Variants in MNAT1 observed in about 807,000 individuals in gnomAD.
MNAT1 encodes the protein CDK-activating kinase assembly factor MAT1.
Under a neutral mutation model 42.0 loss-of-function variants are expected in MNAT1, and 43 were observed. The observed-to-expected ratio is 1.02, with a 90% CI of 0.80 to 1.32. MNAT1 has a LOEUF of 1.32. Ranked by LOEUF, MNAT1 falls within the 40% of genes most tolerant of loss-of-function variation. MNAT1 has a pLI of 0.00. For missense variants in MNAT1, 306 were observed against 350.4 expected (o/e 0.87, Z 1.01); for synonymous variants, 118 against 120.0 (o/e 0.98, Z 0.11).
Position 60,740,868 on chromosome 14 carries a change from C to T in MNAT1, c.89+5917C>T, listed in dbSNP as rs550048037. On this transcript the variant is annotated intron_variant, in intron 1 of 7. Coordinates refer to ENST00000261245, the MANE Select transcript of MNAT1 (RefSeq NM_002431.4). The surrounding 1 kb of genome is among the most constrained non-coding windows in gnomAD (Gnocchi z 4.1). ...GGTGTAGTGTAGTATAAGTTATAAACGTGGTACATATTACCATACCCATCT... is the reference window on the plus strand; with the variant it reads ...GGTGTAGTGTAGTATAAGTTATAAATGTGGTACATATTACCATACCCATCT... Among the ~76,000 whole-genome samples the T allele has an allele frequency of 3.9e-5, 6 of 152,212 alleles. No individual in the cohort carries two copies. Among genetic ancestry groups the T allele is most frequent in the Non-Finnish European group, 7.4e-5 (5 of 67,992 alleles).
At chr14:60,778,756 A>G (rs764217123) in intron 1 of MNAT1, among the ~76,000 whole-genome samples, 1 of 152,174 alleles carries the variant, frequency 6.6e-6, no homozygotes, top group Non-Finnish European at 1.5e-5. Flanking sequence ...TAAAGGTACA[A>G]CTGAGATGCC....
intron 1 of MNAT1, among the ~76,000 whole-genome samples, chr14:60,758,015 T>G (rs1226112134): frequency 6.6e-6 from 1 of 152,142 alleles, no homozygotes; most frequent in Non-Finnish European, 1.5e-5. Flanking sequence ...ATAATTTAGA[T>G]GGTAGAGGGC....
Position 60,938,351 on chromosome 14 carries a change from T to C in MNAT1, c.810-29878T>C, listed in dbSNP as rs1426138172. Among the ~76,000 whole-genome samples the C allele has an allele frequency of 5.9e-5, 9 of 152,238 alleles. No individual in the cohort carries two copies. The South Asian group carries it at 1.5e-3, about 25-fold the overall frequency. On this transcript the variant is annotated intron_variant, in intron 7 of 7. Coordinates refer to ENST00000261245, the MANE Select transcript of MNAT1 (RefSeq NM_002431.4). ...CAGTTTTTGTCCATTCAGTATGATA[T>C]TGGCTGTGGGTTTGTCATAGATAGC...
At chr14:60,794,444 C>T (rs1452911790) in intron 1 of MNAT1, among the ~76,000 whole-genome samples, 2 of 151,266 alleles carry the variant, frequency 1.3e-5, no homozygotes, top group African/African-American at 2.4e-5. Flanking sequence ...GCAGGAGGAT[C>T]GCTTGAGCCC....
chr14:60,812,782 C>T (rs912504242), intron 5 of MNAT1, among the ~76,000 whole-genome samples: 1 of 152,218 alleles, frequency 6.6e-6, no homozygotes, highest in African/African-American at 2.4e-5. Flanking sequence ...GACAACCTGA[C>T]TTCGGGGAAG....
intron 6 of MNAT1, among the ~76,000 whole-genome samples, chr14:60,827,838 C>A (rs1055656567): frequency 5.3e-5 from 8 of 152,122 alleles, no homozygotes; most frequent in Non-Finnish European, 1.2e-4. Context: ...CAGGTGATTA[C>A]TTTCTCTTAG....
At chr14:60,774,817 A>G (rs1416298348) in intron 1 of MNAT1, among the ~76,000 whole-genome samples, 5 of 152,232 alleles carry the variant, frequency 3.3e-5, no homozygotes, top group African/African-American at 1.2e-4. Flanking sequence ...ATTGTGTGAC[A>G]TTTAGTGAAA....
At chr14:60,873,533 A>G (rs373589922) in intron 6 of MNAT1, among the ~76,000 whole-genome samples, 1 of 152,124 alleles carries the variant, frequency 6.6e-6, no homozygotes, top group South Asian at 2.1e-4. Context: ...CAGTGGCACA[A>G]TCACAGCTCA....
chr14:60,809,920 T>G (rs1006505626), intron 4 of MNAT1, among the ~76,000 whole-genome samples: 35 of 152,154 alleles, frequency 2.3e-4, no homozygotes, highest in African/African-American at 7.7e-4. Context: ...TAGAAAGGTT[T>G]GAGAAGGATT....
chr14:60,763,245 A>G (rs2030683908), intron 1 of MNAT1, among the ~76,000 whole-genome samples: 1 of 152,202 alleles, frequency 6.6e-6, no homozygotes, highest in African/African-American at 2.4e-5. Context: ...TAATTAATTT[A>G]TAGATGAAAT....
intron 3 of MNAT1, among the ~76,000 whole-genome samples, chr14:60,801,598 A>G (rs2032202978): frequency 6.6e-6 from 1 of 152,268 alleles, no homozygotes; most frequent in Admixed American, 6.5e-5. Context: ...ACCACTAATC[A>G]TCAGAGAAAT....
rs376932122 is a variant in MNAT1 at position 60,951,311 on chromosome 14, T to C, written c.810-16918T>C. On this transcript the variant is annotated intron_variant, in intron 7 of 7. Transcript: ENST00000261245. ...TGCTGTTTTTGTTGCTACTTTGTCT[T>C]ATTGTTATTATTGTTTTTGGCTCAT... 6.0e-5 allele frequency among the ~76,000 whole-genome samples: 9 copies of C among 150,544 alleles called. No homozygotes were observed. The East Asian group carries it at 1.8e-3, about 29-fold the overall frequency.
intron 6 of MNAT1, among the ~76,000 whole-genome samples, chr14:60,829,132 C>T (rs1175366795): frequency 1.3e-5 from 2 of 152,012 alleles, no homozygotes; most frequent in East Asian, 3.9e-4. Flanking sequence ...TGAAAGTTCC[C>T]AACACACTAA....
intron 6 of MNAT1, among the ~76,000 whole-genome samples, chr14:60,875,550 T>A (rs1394165533): frequency 3.9e-5 from 6 of 152,120 alleles, no homozygotes; most frequent in Non-Finnish European, 8.8e-5. Flanking sequence ...TACTTAATCG[T>A]ACTTTATTAA....
intron 7 of MNAT1, among the ~76,000 whole-genome samples, chr14:60,936,564 C>T (rs1246086776): frequency 1.3e-5 from 2 of 152,028 alleles, no homozygotes; most frequent in African/African-American, 4.8e-5. Context: ...CTCATTATTT[C>T]TTATGGCTGC....
At chr14:60,824,739 C>T (rs533764143) in intron 6 of MNAT1, among the ~76,000 whole-genome samples, 31 of 152,260 alleles carry the variant, frequency 2.0e-4, no homozygotes, top group African/African-American at 6.7e-4. Flanking sequence ...AATGCTAAAG[C>T]TGGTGCCCAA....
chr14:60,907,109 G>A (rs2035216231), intron 7 of MNAT1, among the ~76,000 whole-genome samples: 1 of 152,000 alleles, frequency 6.6e-6, no homozygotes, highest in Non-Finnish European at 1.5e-5. Flanking sequence ...TGCTGAGTTA[G>A]TACATTTGAA....
At chr14:60,872,289 C>A (rs1014990982) in intron 6 of MNAT1, among the ~76,000 whole-genome samples, 1 of 152,152 alleles carries the variant, frequency 6.6e-6, no homozygotes, top group Non-Finnish European at 1.5e-5. Flanking sequence ...TTCATGAAGG[C>A]TCCAGTCCCA....
At chr14:60,943,351 A>G (rs2036214188) in intron 7 of MNAT1, among the ~76,000 whole-genome samples, 1 of 152,208 alleles carries the variant, frequency 6.6e-6, no homozygotes, top group Non-Finnish European at 1.5e-5. Context: ...ACAGTTTCAA[A>G]GCATCATTTC....
Sources: gnomAD v4.1 joint callset for allele counts (sites outside exome capture counted in the v4.1 genomes callset) on GRCh38, gnomAD v4.1.1 for gene constraint, Gnocchi (gnomAD v3.1) non-coding constraint, MANE v1.5 for transcripts, NCBI Gene and HGNC (gene_info 2026-07-23, HGNC 2026-07-21) for gene names.